LRMDA: variants seen among roughly 807,000 people sequenced by gnomAD.
LRMDA encodes leucine-rich melanocyte differentiation-associated protein.
LRMDA carries 18 observed loss-of-function variants against 29.8 expected under a neutral mutation model. That is an observed-to-expected ratio of 0.60 (90% confidence interval 0.42 to 0.90). LRMDA has a LOEUF of 0.90. Ranked by LOEUF, LRMDA falls within the 40% of genes least tolerant of loss-of-function variation. The probability of loss-of-function intolerance (pLI) is 0.00; values close to 1 mark genes in which losing one functional copy is unlikely to be tolerated. For missense variants in LRMDA, 273 were observed against 273.9 expected, an observed-to-expected ratio of 1.00 and a Z score of 0.02; for synonymous variants, 125 against 109.4, an observed-to-expected ratio of 1.14 and a Z score of -0.89.
At chr10:75,696,524 A>G (rs1403955883) in intron 2 of LRMDA, among the ~76,000 whole-genome samples, 1 of 152,244 alleles carries the variant, frequency 6.6e-6, no homozygotes, top group Admixed American at 6.5e-5. Context: ...ATACTTATTA[A>G]AAACCTTCTC....
intron 6 of LRMDA, among the ~76,000 whole-genome samples, chr10:76,361,697 A>G (rs1443107382): frequency 6.6e-6 from 1 of 152,218 alleles, no homozygotes; most frequent in East Asian, 1.9e-4. Context: ...GAGCAAATGC[A>G]CCAAAGAACA....
At chr10:75,698,926 C>T (rs1842271885) in intron 2 of LRMDA, among the ~76,000 whole-genome samples, 1 of 152,118 alleles carries the variant, frequency 6.6e-6, no homozygotes, top group Non-Finnish European at 1.5e-5. Context: ...CTGGGCTGGG[C>T]ATGGTGGCTC....
At chr10:75,501,502 G>A (rs750809345) in intron 2 of LRMDA, among the ~76,000 whole-genome samples, 58 of 152,070 alleles carry the variant, frequency 3.8e-4, no homozygotes, top group Admixed American at 7.2e-4. Context: ...AGGTGGTGTG[G>A]GCCTGTTTAT....
intron 2 of LRMDA, among the ~76,000 whole-genome samples, chr10:75,978,063 A>G (rs1250029379): frequency 2.6e-5 from 4 of 152,238 alleles, no homozygotes; most frequent in Admixed American, 2.6e-4. Flanking sequence ...TTCATTGGCT[A>G]CAACTTAGGG....
chr10:76,088,830 A>G (rs987659356), intron 5 of LRMDA, among the ~76,000 whole-genome samples: 7 of 152,208 alleles, frequency 4.6e-5, no homozygotes, highest in Non-Finnish European at 8.8e-5. Context: ...TCTAGAATGA[A>G]CAATTGTTTT....
chr10:75,792,552 C>T (rs1383699684), intron 2 of LRMDA, among the ~76,000 whole-genome samples: 2 of 152,120 alleles, frequency 1.3e-5, no homozygotes, highest in Middle Eastern at 3.2e-3. Context: ...TGTGAGCCAC[C>T]GTGCCTGGCT....
chr10:75,505,841 C>T (rs1204820815), intron 2 of LRMDA, among the ~76,000 whole-genome samples: 2 of 152,200 alleles, frequency 1.3e-5, no homozygotes, highest in African/African-American at 4.8e-5. Context: ...GATGGTGTGT[C>T]TCATGCTGAA....
intron 2 of LRMDA, among the ~76,000 whole-genome samples, chr10:75,519,089 C>A (rs1178419199): frequency 6.6e-6 from 1 of 152,094 alleles, no homozygotes. Context: ...GATTTCTGTT[C>A]TTTTACATTT....
intron 2 of LRMDA, among the ~76,000 whole-genome samples, chr10:75,611,284 G>A (rs1366255704): frequency 6.6e-6 from 1 of 152,200 alleles, no homozygotes; most frequent in Non-Finnish European, 1.5e-5. Context: ...AAGTCGATCT[G>A]TGAGCAGGAC....
chr10:75,509,594 C>T (rs1437868424), intron 2 of LRMDA, among the ~76,000 whole-genome samples: 1 of 152,152 alleles, frequency 6.6e-6, no homozygotes, highest in East Asian at 1.9e-4. Context: ...CACTGAGCCC[C>T]AGAGAGGTGG....
chr10:75,458,237 G>T (rs140071690), intron 2 of LRMDA, among the ~76,000 whole-genome samples: 19 of 152,300 alleles, frequency 1.2e-4, no homozygotes, highest in African/African-American at 4.3e-4. Context: ...TTTCATTTTT[G>T]ATTCTTTTGA....
intron 6 of LRMDA, among the ~76,000 whole-genome samples, chr10:76,541,281 A>G (rs1034774084): frequency 6.6e-5 from 10 of 152,144 alleles, no homozygotes; most frequent in Non-Finnish European, 1.2e-4. Context: ...TGGGTGGGTT[A>G]CTTGAGGTCA....
chr10:76,008,660 C>T (rs980984165), intron 2 of LRMDA, among the ~76,000 whole-genome samples: 1 of 152,364 alleles, frequency 6.6e-6, no homozygotes, highest in South Asian at 2.1e-4. Flanking sequence ...CTCTGCCATG[C>T]TGGACAAACT....
chr10:76,490,403 GTCTCTCTC>G (rs375255459), intron 6 of LRMDA, among the ~76,000 whole-genome samples: 1 of 149,180 alleles, frequency 6.7e-6, no homozygotes, highest in African/African-American at 2.5e-5. Flanking sequence ...TTGTATTAGG[GTCTCTCTC>G]TCTCTCTCTC....
intron 2 of LRMDA, among the ~76,000 whole-genome samples, chr10:75,865,835 T>C (rs1339455326): frequency 6.6e-6 from 1 of 152,230 alleles, no homozygotes; most frequent in African/African-American, 2.4e-5. Flanking sequence ...CCATCAAAGG[T>C]TATTCACTGA....
intron 2 of LRMDA, among the ~76,000 whole-genome samples, chr10:75,452,715 T>G (rs1844475086): frequency 1.3e-5 from 2 of 152,074 alleles, no homozygotes; most frequent in African/African-American, 4.8e-5. Flanking sequence ...CTGGATAGGT[T>G]TCTAGCCTGA....
chr10:76,382,588 A>G (rs1433986428), intron 6 of LRMDA, among the ~76,000 whole-genome samples: 1 of 152,162 alleles, frequency 6.6e-6, no homozygotes, highest in East Asian at 1.9e-4. Context: ...CCAGGAGAAA[A>G]TTTATCCTCT....
chr10:76,088,130 A>T (rs897874414), intron 5 of LRMDA, among the ~76,000 whole-genome samples: 1 of 152,202 alleles, frequency 6.6e-6, no homozygotes, highest in Non-Finnish European at 1.5e-5. Flanking sequence ...TCACAGACAC[A>T]CAAAAAGAAC....
At chr10:75,694,744 C>G (rs1448893229) in intron 2 of LRMDA, among the ~76,000 whole-genome samples, 1 of 152,088 alleles carries the variant, frequency 6.6e-6, no homozygotes, top group Non-Finnish European at 1.5e-5. Context: ...GAAATATCGG[C>G]TGTATATGGA....
Sources: gnomAD v4.1 joint callset for allele counts (sites outside exome capture counted in the v4.1 genomes callset) on GRCh38, gnomAD v4.1.1 for gene constraint, MANE v1.5 for transcripts, NCBI Gene and HGNC (gene_info 2026-07-23, HGNC 2026-07-21) for gene names.